Variants in SVOPL observed in about 807,000 individuals in gnomAD.
SVOPL encodes the protein SVOP like.
Under a neutral mutation model 61.0 loss-of-function variants are expected in SVOPL, and 60 were observed. The observed-to-expected ratio is 0.98, with a 90% CI of 0.80 to 1.22. The LOEUF is 1.22. Ranked by LOEUF, SVOPL falls within the 50% of genes most tolerant of loss-of-function variation. SVOPL has a pLI of 0.00. For missense variants in SVOPL, 662 were observed against 643.9 expected, an observed-to-expected ratio of 1.03 and a Z score of -0.30; for synonymous variants, 279 against 250.0, an observed-to-expected ratio of 1.12 and a Z score of -1.09.
chr7:138,661,539 C>A (rs937783125), intron 5 of SVOPL: 1 of 985,150 alleles, frequency 1.0e-6, no homozygotes, highest in African/African-American at 1.7e-5. Flanking sequence ...TCTTACCTTC[C>A]CTGTAGTTTC....
intron 8 of SVOPL, 91 bp downstream of exon 8, chr7:138,648,921 C>A: frequency 1.3e-6 from 2 of 1,569,616 alleles, no homozygotes; most frequent in East Asian, 4.5e-5. Flanking sequence ...GACTCTGTCT[C>A]GAGGGGGAAA....
chr7:138,604,677 CAAAAAA>C (rs5887890), intron 14 of SVOPL, among the ~76,000 whole-genome samples: 139 of 58,788 alleles, frequency 2.4e-3, no homozygotes, highest in African/African-American at 7.3e-3. Context: ...AACTTTATCT[CAAAAAA>C]AAAAAAAAAA....
At chr7:138,689,576 A>G (rs75310994) in intron 1 of SVOPL, 12 of 444,000 alleles carry the variant, frequency 2.7e-5, no homozygotes, top group South Asian at 4.5e-5. Flanking sequence ...AAAAAAAAAA[A>G]GGGCCAGATG....
intron 5 of SVOPL, chr7:138,661,915 G>C (rs966469235): frequency 2.0e-5 from 20 of 985,276 alleles, no homozygotes; most frequent in Non-Finnish European, 2.3e-5. Flanking sequence ...TAGCTGGCAA[G>C]GTTCAGAGCA....
chr7:138,644,701 G>C lies in SVOPL; in HGVS notation c.789+16C>G. 2 of 1,612,768 alleles carry C rather than the reference G, an allele frequency of 1.2e-6. No individual in the cohort carries two copies. Among genetic ancestry groups the C allele is most frequent in the South Asian group, 2.2e-5 (2 of 90,942 alleles). On this transcript the variant is annotated intron_variant, in intron 9 of 15. Coordinates refer to ENST00000674285, the MANE Select transcript of SVOPL (RefSeq NM_001139456.2). Reference sequence around the variant, plus strand: ...GCCACTGGTGATAGGAGAAGACCTCGGGGGCCAGCACTCACCAGGACGGGC... The same window carrying C: ...GCCACTGGTGATAGGAGAAGACCTCCGGGGCCAGCACTCACCAGGACGGGC...
chr7:138,649,720 C>G (rs1165868413), intron 7 of SVOPL, among the ~76,000 whole-genome samples: 1 of 151,956 alleles, frequency 6.6e-6, no homozygotes, highest in African/African-American at 2.4e-5. Context: ...TCATCAGGGA[C>G]AATATTGCTA....
Position 138,596,254 on chromosome 7 carries a change from A to C in SVOPL, c.1467+163T>G, listed in dbSNP as rs554716332. On this transcript the variant is annotated intron_variant, in intron 15 of 15. Coordinates refer to ENST00000674285, the MANE Select transcript of SVOPL (RefSeq NM_001139456.2). The stretch of plus-strand genomic sequence containing the variant: ...GAATCCTCAGGCCTCTACAACTGTT[A>C]CTAGAAAAACAAAGTCCTTGTTATT... Among the ~76,000 whole-genome samples the C allele has an allele frequency of 4.6e-5, 7 of 152,036 alleles. No homozygotes were observed. In the South Asian group the frequency reaches 1.5e-3, roughly 32 times the overall value.
At chr7:138,597,870 C>A (rs1487257649) in intron 14 of SVOPL, among the ~76,000 whole-genome samples, 1 of 152,124 alleles carries the variant, frequency 6.6e-6, no homozygotes, top group East Asian at 1.9e-4. Context: ...ATCCTTTACA[C>A]CACATTTAAA....
chr7:138,645,276 C>T (rs969625506), intron 8 of SVOPL, among the ~76,000 whole-genome samples: 1 of 152,110 alleles, frequency 6.6e-6, no homozygotes, highest in Non-Finnish European at 1.5e-5. Flanking sequence ...GGAATCAGTT[C>T]TGATTGTGAA....
intron 14 of SVOPL, among the ~76,000 whole-genome samples, chr7:138,618,089 C>A (rs1458810316): frequency 6.6e-6 from 1 of 152,152 alleles, no homozygotes; most frequent in Admixed American, 6.5e-5. Flanking sequence ...TTCCCAGATT[C>A]GAAACCTCCC....
At chr7:138,629,047 A>C (rs1444843462) in intron 10 of SVOPL, among the ~76,000 whole-genome samples, 1 of 151,928 alleles carries the variant, frequency 6.6e-6, no homozygotes, top group African/African-American at 2.4e-5. Flanking sequence ...AAACTTCAAA[A>C]ATTTTTAAAA....
In SVOPL at chr7:138,628,142, G is replaced by A. The variant is rs188042016; in HGVS notation, c.1069+16C>T. The A allele has an allele frequency of 5.2e-3, 8,341 of 1,613,938 alleles. 28 individuals carry two copies. The highest frequency in any genetic ancestry group is 6.3e-3 in the Non-Finnish European group (7,434 of 1,179,926). ...CACCCAAGACAGAGAGACCCAACAC[G>A]CAGAGGGACACTTACAAGCAATTTC... is the stretch of plus-strand genomic sequence containing the variant. On this transcript the variant is annotated intron_variant, in intron 11 of 15. Coordinates refer to ENST00000674285, the MANE Select transcript of SVOPL (RefSeq NM_001139456.2).
chr7:138,620,980 G>T, intron 14 of SVOPL, 66 bp downstream of exon 14: 1 of 1,413,980 alleles, frequency 7.1e-7, no homozygotes, highest in Non-Finnish European at 9.9e-7. Context: ...TTAATCTGAA[G>T]GTCCCTGGGT....
intron 9 of SVOPL, among the ~76,000 whole-genome samples, chr7:138,633,185 T>C (rs571348294): frequency 7.8e-4 from 119 of 152,310 alleles, no homozygotes; most frequent in African/African-American, 2.8e-3. Flanking sequence ...GTTTAAAAAA[T>C]AAACTAGAAT....
intron 5 of SVOPL, chr7:138,661,407 G>C: frequency 3.0e-6 from 3 of 985,316 alleles, no homozygotes; most frequent in Non-Finnish European, 3.6e-6. Context: ...GAGAAAAGCG[G>C]CTCAGAACAG....
intron 3 of SVOPL, among the ~76,000 whole-genome samples, chr7:138,675,652 C>T (rs112830831): frequency 6.6e-6 from 1 of 151,662 alleles, no homozygotes; most frequent in Non-Finnish European, 1.5e-5. Flanking sequence ...CACCATGCCC[C>T]GCCCACACAA....
chr7:138,640,586 A>T (rs1800735751), intron 9 of SVOPL, among the ~76,000 whole-genome samples: 2 of 152,180 alleles, frequency 1.3e-5, no homozygotes, highest in African/African-American at 4.8e-5. Flanking sequence ...GGCAGCCACA[A>T]ATAAGAATGA....
chr7:138,665,452 G>A (rs911380731), intron 4 of SVOPL, among the ~76,000 whole-genome samples: 12 of 151,870 alleles, frequency 7.9e-5, no homozygotes, highest in Non-Finnish European at 1.6e-4. Context: ...GCAGGAAACA[G>A]TCACCTTGGG....
chr7:138,692,950 A>G (rs1350074128), intron 1 of SVOPL, among the ~76,000 whole-genome samples: 1 of 152,206 alleles, frequency 6.6e-6, no homozygotes, highest in Admixed American at 6.5e-5. Context: ...CATCCTACCC[A>G]AAGAATCAAC....
Sources: allele counts gnomAD v4.1 joint callset (sites outside exome capture counted in the v4.1 genomes callset), GRCh38; gene constraint gnomAD v4.1.1; transcripts MANE v1.5; gene names NCBI Gene and HGNC (gene_info 2026-07-23, HGNC 2026-07-21).